RAB2A: variants seen among roughly 807,000 people sequenced by gnomAD.
The protein encoded by RAB2A is RAB2A, member RAS oncogene family.
A neutral mutation model predicts 32.5 loss-of-function variants in RAB2A; 7 were observed. The ratio of observed to expected loss-of-function variants is 0.22; its 90% confidence interval spans 0.12 to 0.40. The LOEUF (loss-of-function observed/expected upper bound fraction) is 0.40. RAB2A is among the 10% of genes least tolerant of loss of function. RAB2A has a pLI of 1.00. For missense variants in RAB2A, 108 were observed against 260.7 expected (o/e 0.41, Z 4.03); for synonymous variants, 79 against 85.2 (o/e 0.93, Z 0.40).
chr8:60,525,239 T>C (rs1222386102), intron 1 of RAB2A, among the ~76,000 whole-genome samples: 2 of 152,160 alleles, frequency 1.3e-5, no homozygotes, highest in African/African-American at 4.8e-5. Context: ...CCCATGCTGA[T>C]CTGGTGATAG....
chr8:60,598,611 G>A (rs1383747738), intron 6 of RAB2A, among the ~76,000 whole-genome samples: 1 of 152,010 alleles, frequency 6.6e-6, no homozygotes, highest in Non-Finnish European at 1.5e-5. Context: ...GGCTTGCTCT[G>A]TATTCAAAAA....
Position 60,526,027 on chromosome 8 carries a change from A to ATG in RAB2A, c.46+8775_46+8776insGT. Among the ~76,000 whole-genome samples, 3 of 68,098 alleles carry ATG rather than the reference A, an allele frequency of 4.4e-5. 1 individual carries two copies. The highest frequency in any genetic ancestry group is 9.6e-4 in the South Asian group (2 of 2,080). The allele number at this position is 68,098 out of a possible 152,430, so 44.7% of individuals were successfully genotyped here. On this transcript the variant is annotated intron_variant, in intron 1 of 7. Coordinates refer to ENST00000262646, the MANE Select transcript of RAB2A (RefSeq NM_002865.3). ...TATATATGTGTGTGTGTACATATAT[A>ATG]TATATATATATATATATATATATAT...
At chr8:60,524,888 G>A (rs1174707523) in intron 1 of RAB2A, among the ~76,000 whole-genome samples, 1 of 152,114 alleles carries the variant, frequency 6.6e-6, no homozygotes, top group Admixed American at 6.5e-5. Context: ...TAATCCCTAA[G>A]GTGTAGCCAG....
At chr8:60,560,015 TTGATA>T (rs1379477499) in intron 2 of RAB2A, among the ~76,000 whole-genome samples, 4 of 152,232 alleles carry the variant, frequency 2.6e-5, no homozygotes, top group Non-Finnish European at 4.4e-5. Flanking sequence ...TATTTTACTT[TTGATA>T]GTTTTAAGTG....
intron 3 of RAB2A, among the ~76,000 whole-genome samples, chr8:60,579,979 G>C (rs763855942): frequency 6.8e-6 from 1 of 146,140 alleles, no homozygotes; most frequent in Non-Finnish European, 1.5e-5. Context: ...TCCGAGTTTG[G>C]ATAGGTATAT....
intron 1 of RAB2A, among the ~76,000 whole-genome samples, chr8:60,520,317 T>C (rs1807282063): frequency 6.6e-6 from 1 of 152,240 alleles, no homozygotes; most frequent in African/African-American, 2.4e-5. Flanking sequence ...TGTTCCTGTC[T>C]TGTTTCTGAA....
At chr8:60,619,856 A>G (rs1453137643) in intron 7 of RAB2A, among the ~76,000 whole-genome samples, 2 of 152,256 alleles carry the variant, frequency 1.3e-5, no homozygotes, top group African/African-American at 2.4e-5. Flanking sequence ...TGACTCCTCA[A>G]GAAGTTGCTA....
At chr8:60,579,735 C>T (rs1022799499) in intron 3 of RAB2A, among the ~76,000 whole-genome samples, 69 of 151,876 alleles carry the variant, frequency 4.5e-4, no homozygotes, top group African/African-American at 1.5e-3. Context: ...TCACGCCATT[C>T]TCCTGCCTCA....
chr8:60,587,852 AAAGGATTTATATCTAG>A (rs1429823400), intron 5 of RAB2A, among the ~76,000 whole-genome samples: 2 of 152,242 alleles, frequency 1.3e-5, no homozygotes, highest in African/African-American at 4.8e-5. Flanking sequence ...TGTATCTGAC[AAAGGATTTATATCTAG>A]AATATATGAA....
At chr8:60,565,255 C>T (rs1249638967) in intron 2 of RAB2A, among the ~76,000 whole-genome samples, 1 of 151,970 alleles carries the variant, frequency 6.6e-6, no homozygotes, top group Non-Finnish European at 1.5e-5. Context: ...CCCATCTCTA[C>T]AAAAAGTTTA....
intron 1 of RAB2A, among the ~76,000 whole-genome samples, chr8:60,529,902 G>A (rs189312387): frequency 1.3e-5 from 2 of 152,282 alleles, no homozygotes; most frequent in East Asian, 3.9e-4. Flanking sequence ...GGTGGAAGGT[G>A]TATACATCTT....
chr8:60,584,379 G>A (rs1470811865), intron 4 of RAB2A, 89 bp downstream of exon 4: 2 of 1,150,242 alleles, frequency 1.7e-6, no homozygotes, highest in East Asian at 4.7e-5. Flanking sequence ...GAATAGCTTA[G>A]CCTTTCTGCC....
chr8:60,602,140 C>T (rs536787265), intron 6 of RAB2A, among the ~76,000 whole-genome samples: 28 of 152,030 alleles, frequency 1.8e-4, no homozygotes, highest in Admixed American at 1.8e-3. Flanking sequence ...AGCCTCCCAA[C>T]GTGCTGGGAT....
Position 60,622,271 on chromosome 8 carries a change from A to C in RAB2A, c.*1502A>C, listed in dbSNP as rs1279988375. The C allele has an allele frequency of 6.6e-6, 1 of 152,222 alleles. No individual in the cohort carries two copies. The highest frequency in any genetic ancestry group is 1.5e-5 in the Non-Finnish European group (1 of 68,038). 9.4% of individuals were successfully genotyped at this position (152,222 alleles called of 1,614,324 possible). The stretch of plus-strand genomic sequence containing the variant: ...TAAAGAAGTTCTAACTCTGAAACTA[A>C]CTACTTTCATTTCGCTCATGGCCTT... On this transcript the variant is annotated 3_prime_UTR_variant, in exon 8 of 8. Transcript: ENST00000262646.
chr8:60,613,906 A>T (rs1367598693), intron 6 of RAB2A, among the ~76,000 whole-genome samples: 2 of 152,144 alleles, frequency 1.3e-5, no homozygotes, highest in Non-Finnish European at 2.9e-5. Context: ...GCTACCTCAT[A>T]TTTCTCAGTT....
In RAB2A at chr8:60,620,998, A is replaced by G; in HGVS notation, c.*229A>G. On this transcript the variant is annotated 3_prime_UTR_variant, in exon 8 of 8. Transcript: ENST00000262646. ...TTGCATTTGATTTCTAGGTCAATTGATGTGATTATTTTTGTTAAATGTTGT... is the reference window on the plus strand; with the variant it reads ...TTGCATTTGATTTCTAGGTCAATTGGTGTGATTATTTTTGTTAAATGTTGT... The G allele has an allele frequency of 2.2e-6, 1 of 458,646 alleles. No individual in the cohort carries two copies. The highest frequency in any genetic ancestry group is 3.3e-5 in the South Asian group (1 of 29,990). The allele number at this position is 458,646 out of a possible 1,614,324, so 28.4% of individuals were successfully genotyped here.
At chr8:60,546,592 T>A (rs1355299099) in intron 1 of RAB2A, among the ~76,000 whole-genome samples, 2 of 152,210 alleles carry the variant, frequency 1.3e-5, no homozygotes, top group East Asian at 3.8e-4. Context: ...CATGTTGGAT[T>A]TTTGTCTTTG....
intron 2 of RAB2A, chr8:60,569,983 A>G: frequency 4.4e-6 from 2 of 456,288 alleles, no homozygotes; most frequent in Non-Finnish European, 8.8e-6. Flanking sequence ...CCCAGGAAGC[A>G]GAAACTGTTA....
intron 1 of RAB2A, among the ~76,000 whole-genome samples, chr8:60,545,879 CAAAT>C (rs1807719817): frequency 6.6e-6 from 1 of 152,140 alleles, no homozygotes; most frequent in Non-Finnish European, 1.5e-5. Flanking sequence ...ATTCATTAAA[CAAAT>C]ATTCATTATT....
Sources: gnomAD v4.1 joint callset for allele counts (sites outside exome capture counted in the v4.1 genomes callset) on GRCh38, gnomAD v4.1.1 for gene constraint, MANE v1.5 for transcripts, NCBI Gene and HGNC (gene_info 2026-07-23, HGNC 2026-07-21) for gene names.